Variants in GABRG3 observed in about 807,000 individuals in gnomAD.
GABRG3 encodes the protein gamma-aminobutyric acid type A receptor subunit gamma3.
A neutral mutation model predicts 48.8 loss-of-function variants in GABRG3; 25 were observed. The observed-to-expected ratio is 0.51, with a 90% CI of 0.37 to 0.72. The LOEUF (loss-of-function observed/expected upper bound fraction) is 0.72, where lower values mean the gene tolerates loss of function less well. GABRG3 is among the 30% of genes least tolerant of loss of function. The pLI is 0.00. For missense variants in GABRG3, 394 were observed against 577.9 expected (o/e 0.68, Z 3.26); for synonymous variants, 227 against 217.6 (o/e 1.04, Z -0.38).
chr15:27,328,018 G>C (rs983394859), intron 4 of GABRG3, among the ~76,000 whole-genome samples: 5 of 151,622 alleles, frequency 3.3e-5, no homozygotes, highest in African/African-American at 1.2e-4. Flanking sequence ...CACAGGCGCA[G>C]ATGGACATTA....
At chr15:27,178,765 C>T (rs1205337860) in intron 3 of GABRG3, among the ~76,000 whole-genome samples, 1 of 152,158 alleles carries the variant, frequency 6.6e-6, no homozygotes, top group Non-Finnish European at 1.5e-5. Context: ...CTAGATTCTT[C>T]TTGGGTTCTC....
rs76551160 is a variant in GABRG3, at chr15:27,056,909, C to T, written c.270+30088C>T. Among the ~76,000 whole-genome samples, 359 of 152,268 alleles carry T rather than the reference C, an allele frequency of 2.4e-3. 10 individuals carry two copies. In the East Asian group the frequency reaches 0.054, roughly 23 times the overall value. ...AAAGCACCTTCTCATCATCTAGTTC[C>T]TCTGTGTGCAGTGTGTGCTTGGGTC... On this transcript the variant is annotated intron_variant, in intron 3 of 9. Transcript: ENST00000615808.
chr15:27,398,906 C>A (rs896288260), intron 5 of GABRG3, among the ~76,000 whole-genome samples: 20 of 152,052 alleles, frequency 1.3e-4, no homozygotes, highest in African/African-American at 1.9e-4. Context: ...TTATTAAGAG[C>A]CGGGAAGGGG....
At chr15:27,470,072 T>C (rs1566855683) in intron 5 of GABRG3, among the ~76,000 whole-genome samples, 1 of 152,158 alleles carries the variant, frequency 6.6e-6, no homozygotes, top group East Asian at 1.9e-4. Context: ...ACATCAGTAC[T>C]TATTTAGCCT....
rs528001386 is a variant in GABRG3 at position 27,339,800 on chromosome 15, T to G, written c.574+10912T>G. Among the ~76,000 whole-genome samples the G allele has an allele frequency of 4.7e-4, 71 of 152,276 alleles. No individual in the cohort carries two copies. In the South Asian group the frequency reaches 0.013, roughly 28 times the overall value. On this transcript the variant is annotated intron_variant, in intron 5 of 9. Transcript: ENST00000615808. ...GAGGTTAAGAACATGATCATAGCAT[T>G]GATAAGAGACGCCAGCTTCTGAGGA...
intron 3 of GABRG3, among the ~76,000 whole-genome samples, chr15:27,286,440 ACTT>A (rs1891614946): frequency 6.6e-6 from 1 of 152,164 alleles, no homozygotes; most frequent in African/African-American, 2.4e-5. Context: ...TGATACAGGG[ACTT>A]CTTGAGACTG....
chr15:27,226,602 C>T (rs866120799), intron 3 of GABRG3, among the ~76,000 whole-genome samples: 10 of 151,724 alleles, frequency 6.6e-5, no homozygotes, highest in African/African-American at 2.2e-4. Context: ...CCGGATGCCC[C>T]GGGCTTCAGA....
Position 27,539,329 on chromosome 15 carries a change from A to C in GABRG3, c.*6448A>C, listed in dbSNP as rs1891615783. 6.6e-6 allele frequency: 1 copy of C among 152,114 alleles called. No homozygotes were observed. Among genetic ancestry groups the C allele is most frequent in the African/African-American group, 2.4e-5 (1 of 41,418 alleles). 9.4% of individuals were successfully genotyped at this position (152,114 alleles called of 1,614,324 possible). On this transcript the variant is annotated 3_prime_UTR_variant, in exon 10 of 10. Transcript: ENST00000615808. ...CTGACATGATTTTCCTTTTGGGTGG[A>C]TTGGAGTTTTACAACTGGATTCATT...
intron 3 of GABRG3, among the ~76,000 whole-genome samples, chr15:27,262,151 T>A (rs1392692894): frequency 3.3e-5 from 5 of 152,230 alleles, no homozygotes; most frequent in Non-Finnish European, 7.3e-5. Context: ...GGAGACCATG[T>A]GTCCCTGAAG....
At chr15:27,275,205 G>C (rs555335097) in intron 3 of GABRG3, among the ~76,000 whole-genome samples, 1 of 152,182 alleles carries the variant, frequency 6.6e-6, no homozygotes, top group African/African-American at 2.4e-5. Flanking sequence ...ATGTTAAGTA[G>C]ATTTGCAGTC....
intron 3 of GABRG3, among the ~76,000 whole-genome samples, chr15:27,053,898 C>A (rs1297263619): frequency 6.6e-6 from 1 of 152,206 alleles, no homozygotes; most frequent in East Asian, 1.9e-4. Context: ...TGCATGTCAT[C>A]ACTTATAAGT....
intron 5 of GABRG3, among the ~76,000 whole-genome samples, chr15:27,402,071 G>A (rs372868178): frequency 6.6e-6 from 1 of 152,152 alleles, no homozygotes. Context: ...AAAGGGCAAT[G>A]CTTCATAGAG....
chr15:27,433,225 A>C (rs879787776), intron 5 of GABRG3, among the ~76,000 whole-genome samples: 2 of 152,242 alleles, frequency 1.3e-5, no homozygotes, highest in Admixed American at 1.3e-4. Context: ...CAGGTACCAA[A>C]TATGTGTTAA....
At position 26,975,846 on chromosome 15, in the gene GABRG3, C is replaced by G. The variant is rs553341031; in HGVS notation, c.54-1156C>G. On this transcript the variant is annotated intron_variant, in intron 1 of 9. Transcript: ENST00000615808. The surrounding 1 kb of genome is among the most constrained non-coding windows in gnomAD (Gnocchi z 4.6). Reference sequence around the variant, plus strand: ...ATCCGCTTCCGTGCAGTTTTCAATTCTTTTTATTCTCTTCTGTGAAGAAAA... The same window carrying G: ...ATCCGCTTCCGTGCAGTTTTCAATTGTTTTTATTCTCTTCTGTGAAGAAAA... Among the ~76,000 whole-genome samples, 1 of 152,256 alleles carries G rather than the reference C, an allele frequency of 6.6e-6. No individual in the cohort carries two copies. The highest frequency in any genetic ancestry group is 1.9e-4 in the East Asian group (1 of 5,170).
chr15:27,215,291 T>A (rs1300861636), intron 3 of GABRG3, among the ~76,000 whole-genome samples: 2 of 152,156 alleles, frequency 1.3e-5, no homozygotes, highest in Non-Finnish European at 2.9e-5. Flanking sequence ...GGCTTCTCTT[T>A]CTCTTGATAA....
chr15:26,983,736 T>C (rs979610059), intron 2 of GABRG3, among the ~76,000 whole-genome samples: 3 of 152,190 alleles, frequency 2.0e-5, no homozygotes, highest in African/African-American at 4.8e-5. Context: ...ACTGTGCCAC[T>C]GCACTCCAGC....
intron 3 of GABRG3, among the ~76,000 whole-genome samples, chr15:27,221,174 C>G (rs1217264503): frequency 6.6e-6 from 1 of 152,002 alleles, no homozygotes; most frequent in Admixed American, 6.6e-5. Context: ...TGAGAGAGAT[C>G]GACCTGTTCA....
intron 5 of GABRG3, among the ~76,000 whole-genome samples, chr15:27,443,538 T>C (rs1888852976): frequency 6.6e-6 from 1 of 152,236 alleles, no homozygotes; most frequent in Admixed American, 6.5e-5. Context: ...ATTGCTAAGC[T>C]GTCACATAAA....
intron 3 of GABRG3, among the ~76,000 whole-genome samples, chr15:27,150,112 T>TA (rs2140395854): frequency 6.6e-6 from 1 of 152,356 alleles, no homozygotes; most frequent in Non-Finnish European, 1.5e-5. Context: ...CCAGAGGTGA[T>TA]ACAACCATCA....
Sources: allele counts gnomAD v4.1 joint callset (sites outside exome capture counted in the v4.1 genomes callset), GRCh38; gene constraint gnomAD v4.1.1; non-coding constraint Gnocchi (gnomAD v3.1); transcripts MANE v1.5; gene names NCBI Gene and HGNC (gene_info 2026-07-23, HGNC 2026-07-21).